The following EFR3B variants were observed in gnomAD, a reference collection of about 807,000 sequenced individuals.
The protein encoded by EFR3B is EFR3 homolog B.
In EFR3B, 64 loss-of-function variants were observed where a neutral mutation model predicts 104.7. The ratio of observed to expected loss-of-function variants is 0.61; its 90% CI spans 0.50 to 0.75. The LOEUF (loss-of-function observed/expected upper bound fraction) is 0.75. Ranked by LOEUF, EFR3B falls within the 30% of genes least tolerant of loss-of-function variation. The probability of loss-of-function intolerance (pLI) is 0.00; values close to 1 mark genes in which losing one functional copy is unlikely to be tolerated. For missense variants in EFR3B, 750 were observed against 1,078.5 expected, an observed-to-expected ratio of 0.70 and a Z score of 4.27; for synonymous variants, 385 against 417.9, an observed-to-expected ratio of 0.92 and a Z score of 0.96.
chr2:25,059,875 CAAAAAAAA>C (rs773320701), intron 1 of EFR3B, among the ~76,000 whole-genome samples: 7 of 48,750 alleles, frequency 1.4e-4, no homozygotes, highest in Non-Finnish European at 2.6e-4. Flanking sequence ...AACTCTGTCT[CAAAAAAAA>C]AAAAAAAAAA....
At chr2:25,133,187 CCCA>C (rs1670426054) in intron 11 of EFR3B, among the ~76,000 whole-genome samples, 173 bp downstream of exon 11, 2 of 152,172 alleles carry the variant, frequency 1.3e-5, no homozygotes, top group Non-Finnish European at 1.5e-5. Context: ...CTCAGGCTGC[CCCA>C]CCAATAACCA....
At position 25,131,620 on chromosome 2, in the gene EFR3B, C is replaced by T. The variant is rs1301600903; in HGVS notation, c.985+117C>T. 6.0e-6 allele frequency: 9 copies of T among 1,497,292 alleles called. No individual in the cohort carries two copies. Among genetic ancestry groups the T allele is most frequent in the Non-Finnish European group, 7.2e-6 (8 of 1,117,370 alleles). The allele number at this position is 1,497,292 out of a possible 1,614,324, so 92.8% of individuals were successfully genotyped here. The stretch of plus-strand genomic sequence containing the variant: ...GAGTCCGTTTTCCTCGGGAGAAGTC[C>T]GCCAGGAAGTTGGGAGCGCAGAGGA... On this transcript the variant is annotated intron_variant, in intron 9 of 22. Transcript: ENST00000403714. This position sits in a 1 kb window ranked among gnomAD's most constrained non-coding sequence, Gnocchi z 7.6.
intron 3 of EFR3B, among the ~76,000 whole-genome samples, chr2:25,097,742 C>G: frequency 6.6e-6 from 1 of 152,212 alleles, no homozygotes; most frequent in East Asian, 1.9e-4. Flanking sequence ...TTTCCCTTCT[C>G]TTTACATTTC....
At chr2:25,065,747 G>A (rs2149171746) in intron 1 of EFR3B, among the ~76,000 whole-genome samples, 1 of 152,248 alleles carries the variant, frequency 6.6e-6, no homozygotes, top group East Asian at 1.9e-4. Flanking sequence ...TAAGCTGCCA[G>A]GACTCAGTGC....
chr2:25,103,858 TCG>T, intron 4 of EFR3B, 71 bp downstream of exon 4: 1 of 1,531,608 alleles, frequency 6.5e-7, no homozygotes, highest in Non-Finnish European at 8.8e-7. Flanking sequence ...GAGGGAGACC[TCG>T]GGGTCGGCAC....
chr2:25,090,684 T>C (rs915203377), intron 1 of EFR3B, among the ~76,000 whole-genome samples: 3 of 152,202 alleles, frequency 2.0e-5, no homozygotes, highest in African/African-American at 7.2e-5. Context: ...GCGTTAAAGA[T>C]GCATCGTCAA....
intron 3 of EFR3B, among the ~76,000 whole-genome samples, chr2:25,099,466 T>C (rs1468081606): frequency 6.6e-6 from 1 of 151,836 alleles, no homozygotes; most frequent in East Asian, 1.9e-4. Flanking sequence ...CAGAGACAAC[T>C]ATTTGATAAT....
intron 1 of EFR3B, among the ~76,000 whole-genome samples, chr2:25,087,286 G>T (rs512419): frequency 0.37 from 55,613 of 151,624 alleles, 12,232 homozygotes; most frequent in Admixed American, 0.53. Flanking sequence ...TGAGATTTGG[G>T]TAGGGACACA....
At position 25,143,853 on chromosome 2, in the gene EFR3B, C is replaced by T; in HGVS notation, c.2041C>T (p.Gln681Ter). 1 of 1,551,588 alleles carries T rather than the reference C, an allele frequency of 6.4e-7. No homozygotes were observed. The highest frequency in any genetic ancestry group is 8.7e-7 in the Non-Finnish European group (1 of 1,146,926). ...CCGGCTCTGCCTGCCCTACATTCCT[C>T]AGCTGACAGGTATGAGTTCTGTGCA... ...SDRLCLPYIP[Q>*]LTDEDRLSKR... Residue 681 changes from glutamine to a stop codon, truncating the protein, a stop_gained, in exon 18 of 23, where the codon CAG (glutamine) becomes TAG (stop). Coordinates refer to ENST00000403714, the MANE Select transcript of EFR3B (RefSeq NM_014971.2). LOFTEE classifies it high-confidence loss of function.
chr2:25,131,426 G>C lies in EFR3B; in HGVS notation c.908G>C (p.Arg303Pro), dbSNP rs1468204011. ...CTGGGCCACCTGGACGCCAACAGCC[G>C]CAGCGCTGCGACGGTGCGCGCGGGC... ...QLLGHLDANS[R>P]SAATVRAGIV... Residue 303 changes from arginine to proline, a missense_variant, in exon 9 of 23, where the codon CGC (arginine) becomes CCC (proline). Arg to Pro is a moderately radical substitution (Grantham distance 103). Transcript: ENST00000403714. This position sits in a 1 kb window ranked among gnomAD's most constrained non-coding sequence, Gnocchi z 7.6. 3 of 1,550,870 alleles carry C rather than the reference G, an allele frequency of 1.9e-6. No homozygotes were observed. Among genetic ancestry groups the C allele is most frequent in the Non-Finnish European group, 2.6e-6 (3 of 1,146,872 alleles).
chr2:25,084,547 T>C (rs567476882), intron 1 of EFR3B, among the ~76,000 whole-genome samples: 1 of 152,198 alleles, frequency 6.6e-6, no homozygotes, highest in East Asian at 1.9e-4. Context: ...CCAGTCTCAG[T>C]TAATTTAGAA....
intron 1 of EFR3B, among the ~76,000 whole-genome samples, chr2:25,073,096 A>G (rs1402290496): frequency 6.6e-6 from 1 of 152,240 alleles, no homozygotes; most frequent in Non-Finnish European, 1.5e-5. Flanking sequence ...TACATTCACA[A>G]CGATAGTTAT....
rs748819678 is a variant in EFR3B, at chr2:25,067,756, T to C, written c.8-23569T>C. 1.0e-3 allele frequency among the ~76,000 whole-genome samples: 154 copies of C among 152,212 alleles called. 1 individual carries two copies. The highest frequency in any genetic ancestry group is 2.0e-3 in the Non-Finnish European group (139 of 68,044). ...TGCTCAGAGCTCTGCTTCATTCAAT[T>C]CAGCTGCTGCCTAGTGTGCATTGCA... is the stretch of plus-strand genomic sequence containing the variant. On this transcript the variant is annotated intron_variant, in intron 1 of 22. Transcript: ENST00000403714.
At chr2:25,051,614 AT>A (rs1667870960) in intron 1 of EFR3B, among the ~76,000 whole-genome samples, 1 of 144,730 alleles carries the variant, frequency 6.9e-6, no homozygotes, top group African/African-American at 2.6e-5. Flanking sequence ...CAGAGAACAC[AT>A]TTCTCTTTTG....
chr2:25,086,122 G>T (rs760175872), intron 1 of EFR3B, among the ~76,000 whole-genome samples: 3 of 151,986 alleles, frequency 2.0e-5, no homozygotes, highest in Non-Finnish European at 4.4e-5. Flanking sequence ...TTTAGTGCTG[G>T]ATAATATTCC....
chr2:25,042,658 A>C lies in EFR3B; in HGVS notation c.7+339A>C. On this transcript the variant is annotated intron_variant, in intron 1 of 22. Coordinates refer to ENST00000403714, the MANE Select transcript of EFR3B (RefSeq NM_014971.2). This position sits in a 1 kb window ranked among gnomAD's most constrained non-coding sequence, Gnocchi z 5.4. ...TCGTGTGGCAGCATTTGCGGAATTA[A>C]CAAAAGCGGTTTGTGCCTGGGAGTT... is the stretch of plus-strand genomic sequence containing the variant. 1.9e-6 allele frequency: 2 copies of C among 1,073,998 alleles called. No individual in the cohort carries two copies. Among genetic ancestry groups the C allele is most frequent in the Non-Finnish European group, 2.3e-6 (2 of 887,244 alleles). 66.5% of individuals were successfully genotyped at this position (1,073,998 alleles called of 1,614,324 possible).
intron 15 of EFR3B, among the ~76,000 whole-genome samples, chr2:25,138,314 C>T (rs143282119): frequency 6.5e-4 from 99 of 152,320 alleles, no homozygotes; most frequent in African/African-American, 2.3e-3. Flanking sequence ...ACCTGTCTAC[C>T]AAGCCTCCTT....
At chr2:25,060,507 C>T (rs1287856674) in intron 1 of EFR3B, among the ~76,000 whole-genome samples, 1 of 151,972 alleles carries the variant, frequency 6.6e-6, no homozygotes, top group African/African-American at 2.4e-5. Context: ...AGAATGTCTG[C>T]TACTGTGTTT....
At chr2:25,044,673 G>T (rs1277783771) in intron 1 of EFR3B, among the ~76,000 whole-genome samples, 1 of 152,050 alleles carries the variant, frequency 6.6e-6, no homozygotes, top group African/African-American at 2.4e-5. Context: ...GGGCAGAGAG[G>T]CCCCCCTATG....
Sources: gnomAD v4.1 joint callset for allele counts (sites outside exome capture counted in the v4.1 genomes callset) on GRCh38, gnomAD v4.1.1 for gene constraint, Gnocchi (gnomAD v3.1) non-coding constraint, MANE v1.5 for transcripts, NCBI Gene and HGNC (gene_info 2026-07-23, HGNC 2026-07-21) for gene names.